Variants in EXOC6B observed in about 807,000 individuals in gnomAD.
EXOC6B encodes the protein exocyst complex component 6B.
A neutral mutation model predicts 113.5 loss-of-function variants in EXOC6B; 54 were observed. The ratio of observed to expected loss-of-function variants is 0.48; its 90% CI spans 0.38 to 0.60. The LOEUF is 0.60. Ranked by LOEUF, EXOC6B falls within the 20% of genes least tolerant of loss-of-function variation. The pLI is 0.00. For synonymous variants in EXOC6B, 357 were observed against 339.0 expected, an observed-to-expected ratio of 1.05 and a Z score of -0.58; for missense variants, 797 against 977.5, an observed-to-expected ratio of 0.82 and a Z score of 2.46.
At chr2:72,239,355 T>C (rs1271944794) in intron 20 of EXOC6B, among the ~76,000 whole-genome samples, 5 of 152,214 alleles carry the variant, frequency 3.3e-5, no homozygotes. Flanking sequence ...TTAATTTTTG[T>C]GTGGTATAAT....
At chr2:72,493,256 T>C (rs1235531338) in intron 15 of EXOC6B, among the ~76,000 whole-genome samples, 3 of 151,728 alleles carry the variant, frequency 2.0e-5, no homozygotes, top group Non-Finnish European at 2.9e-5. Context: ...CTTAGTTTCC[T>C]GCTGACTTCG....
At chr2:72,356,358 G>T (rs1369273310) in intron 19 of EXOC6B, among the ~76,000 whole-genome samples, 1 of 152,064 alleles carries the variant, frequency 6.6e-6, no homozygotes, top group Admixed American at 6.6e-5. Flanking sequence ...TAGACAGTTT[G>T]ATTTTCCTGT....
chr2:72,417,662 T>G (rs1465610477), intron 18 of EXOC6B, among the ~76,000 whole-genome samples: 2 of 152,200 alleles, frequency 1.3e-5, no homozygotes, highest in Non-Finnish European at 2.9e-5. Context: ...AATTCAATTT[T>G]TAAGACAAAT....
intron 6 of EXOC6B, among the ~76,000 whole-genome samples, chr2:72,682,838 G>A (rs970290102): frequency 2.6e-5 from 4 of 152,152 alleles, no homozygotes; most frequent in East Asian, 3.9e-4. Context: ...AAATCCTATC[G>A]TGGGGTTTCA....
At chr2:72,625,876 C>A (rs113408728) in intron 6 of EXOC6B, among the ~76,000 whole-genome samples, 19 of 152,172 alleles carry the variant, frequency 1.2e-4, no homozygotes, top group African/African-American at 4.6e-4. Flanking sequence ...TGGTTTTCAA[C>A]TGAATTTACT....
intron 20 of EXOC6B, among the ~76,000 whole-genome samples, chr2:72,313,980 CTG>C (rs1446086708): frequency 6.6e-6 from 1 of 152,088 alleles, no homozygotes; most frequent in East Asian, 1.9e-4. Flanking sequence ...CTCCAGGACA[CTG>C]AGAACCACAT....
At chr2:72,543,209 G>A (rs146940901) in intron 8 of EXOC6B, among the ~76,000 whole-genome samples, 21 of 152,194 alleles carry the variant, frequency 1.4e-4, no homozygotes, top group African/African-American at 5.1e-4. Flanking sequence ...AGAGAGTTAG[G>A]CTAAGGACAG....
intron 6 of EXOC6B, among the ~76,000 whole-genome samples, chr2:72,634,010 G>A (rs904046914): frequency 3.3e-5 from 5 of 151,472 alleles, no homozygotes; most frequent in Non-Finnish European, 7.4e-5. Context: ...GTAGGACAAC[G>A]AAAATAAAAA....
intron 19 of EXOC6B, among the ~76,000 whole-genome samples, chr2:72,335,831 G>T (rs1319982392): frequency 6.6e-6 from 1 of 152,066 alleles, no homozygotes. Context: ...GAGATTACAT[G>T]AATACTATTT....
At chr2:72,424,210 G>C (rs1695077123) in intron 18 of EXOC6B, among the ~76,000 whole-genome samples, 1 of 151,818 alleles carries the variant, frequency 6.6e-6, no homozygotes, top group South Asian at 2.1e-4. Flanking sequence ...CATCTGTGAA[G>C]CCATCCAGAA....
chr2:72,446,342 G>A (rs1444732769), intron 18 of EXOC6B, among the ~76,000 whole-genome samples: 2 of 150,144 alleles, frequency 1.3e-5, no homozygotes, highest in Admixed American at 6.7e-5. Context: ...TCATGCCACT[G>A]CACTGCAGAC....
intron 1 of EXOC6B, among the ~76,000 whole-genome samples, chr2:72,746,079 T>C (rs1019378302): frequency 6.6e-6 from 1 of 152,126 alleles, no homozygotes; most frequent in African/African-American, 2.4e-5. Flanking sequence ...CAGAGACTTA[T>C]AGCTGATTAC....
intron 6 of EXOC6B, among the ~76,000 whole-genome samples, chr2:72,591,020 G>A (rs1316925357): frequency 6.6e-6 from 1 of 151,858 alleles, no homozygotes; most frequent in African/African-American, 2.4e-5. Flanking sequence ...AAAAAGAATA[G>A]CAAAAATTGC....
At chr2:72,426,031 T>C (rs2105280398) in intron 18 of EXOC6B, among the ~76,000 whole-genome samples, 1 of 152,328 alleles carries the variant, frequency 6.6e-6, no homozygotes, top group Non-Finnish European at 1.5e-5. Context: ...AATCTATAGA[T>C]TGCAATTTTA....
At chr2:72,180,668 T>C (rs770502861) in intron 21 of EXOC6B, among the ~76,000 whole-genome samples, 2 of 152,178 alleles carry the variant, frequency 1.3e-5, no homozygotes, top group Non-Finnish European at 2.9e-5. Flanking sequence ...CCCCAGGCTA[T>C]TTCCCAGGGG....
rs368818498 is a variant in EXOC6B, at chr2:72,386,532, T to A, written c.1981-6662A>T. Among the ~76,000 whole-genome samples, 4 of 152,334 alleles carry A rather than the reference T, an allele frequency of 2.6e-5. No individual in the cohort carries two copies. The South Asian group carries it at 6.2e-4, about 24-fold the overall frequency. On this transcript the variant is annotated intron_variant, in intron 18 of 21. Transcript: ENST00000272427. Reference sequence around the variant, plus strand: ...CCAGAACCAAGGCCTCACTACCCTGTGCAGCCTCAAGACACTGTTCCCTGC... The same window carrying A: ...CCAGAACCAAGGCCTCACTACCCTGAGCAGCCTCAAGACACTGTTCCCTGC...
At chr2:72,719,525 T>C (rs977433795) in intron 5 of EXOC6B, among the ~76,000 whole-genome samples, 3 of 152,172 alleles carry the variant, frequency 2.0e-5, no homozygotes, top group African/African-American at 7.2e-5. Flanking sequence ...TAGGAGGCTG[T>C]AGACAGGCAC....
At chr2:72,770,328 C>T (rs1045556944) in intron 1 of EXOC6B, among the ~76,000 whole-genome samples, 4 of 152,146 alleles carry the variant, frequency 2.6e-5, no homozygotes, top group Middle Eastern at 6.8e-3. Context: ...TAACTGTGAG[C>T]CAAAGCTAGG....
intron 6 of EXOC6B, among the ~76,000 whole-genome samples, chr2:72,706,437 C>T (rs998753100): frequency 6.6e-6 from 1 of 152,298 alleles, no homozygotes; most frequent in South Asian, 2.1e-4. Context: ...TGGGTGCAAC[C>T]ATAGCTTACT....
Sources: gnomAD v4.1 joint callset for allele counts (sites outside exome capture counted in the v4.1 genomes callset) on GRCh38, gnomAD v4.1.1 for gene constraint, MANE v1.5 for transcripts, NCBI Gene and HGNC (gene_info 2026-07-23, HGNC 2026-07-21) for gene names.